Variants in MAP3K3 observed in about 807,000 individuals in gnomAD.
The protein encoded by MAP3K3 is MAP/ERK kinase kinase 3.
MAP3K3 carries 12 observed loss-of-function variants against 80.9 expected under a neutral mutation model. The ratio of observed to expected loss-of-function variants is 0.15; its 90% CI spans 0.10 to 0.24. MAP3K3 has a LOEUF of 0.24. Among genes scored for constraint, MAP3K3 ranks in the 10% least tolerant of loss-of-function variants. MAP3K3 has a pLI of 1.00. For synonymous variants in MAP3K3, 272 were observed against 307.1 expected (o/e 0.89, Z 1.19); for missense variants, 596 against 834.7 (o/e 0.71, Z 3.52).
chr17:63,643,394 C>A (rs1316715225), intron 2 of MAP3K3, among the ~76,000 whole-genome samples: 1 of 151,922 alleles, frequency 6.6e-6, no homozygotes, highest in Non-Finnish European at 1.5e-5. Context: ...GTAGTCCCAG[C>A]TACATGGGAG....
At chr17:63,630,054 G>C (rs1405408032) in intron 1 of MAP3K3, among the ~76,000 whole-genome samples, 1 of 152,116 alleles carries the variant, frequency 6.6e-6, no homozygotes, top group Non-Finnish European at 1.5e-5. Context: ...TCAATACTTA[G>C]GGTGGTTAAT....
rs907718615 is a variant in MAP3K3 at position 63,695,187 on chromosome 17, T to C, written c.*1410T>C. 1 of 152,422 alleles carries C rather than the reference T, an allele frequency of 6.6e-6. No individual in the cohort carries two copies. Among genetic ancestry groups the C allele is most frequent in the Non-Finnish European group, 1.5e-5 (1 of 67,992 alleles). The allele number at this position is 152,422 out of a possible 1,614,324, so 9.4% of individuals were successfully genotyped here. On this transcript the variant is annotated 3_prime_UTR_variant, in exon 16 of 16. Coordinates refer to ENST00000361733, the MANE Select transcript of MAP3K3 (RefSeq NM_002401.5). The surrounding 1 kb of genome is among the most constrained non-coding windows in gnomAD (Gnocchi z 4.1). ...CCTGCCAGCCATGCCTACATCCCCA[T>C]GGGCACAGAACAAGCCAAAGCCTTC...
At chr17:63,640,802 T>C (rs1249166019) in intron 2 of MAP3K3, among the ~76,000 whole-genome samples, 2 of 152,176 alleles carry the variant, frequency 1.3e-5, no homozygotes, top group Non-Finnish European at 2.9e-5. Flanking sequence ...CTAGGACATG[T>C]GCCTGCCAGG....
At chr17:63,639,325 G>T (rs551236212) in intron 2 of MAP3K3, among the ~76,000 whole-genome samples, 1 of 152,258 alleles carries the variant, frequency 6.6e-6, no homozygotes, top group East Asian at 1.9e-4. Context: ...TAAAGGCCTA[G>T]GGGAAGAAGC....
At chr17:63,640,607 A>G (rs1162648145) in intron 2 of MAP3K3, among the ~76,000 whole-genome samples, 1 of 152,126 alleles carries the variant, frequency 6.6e-6, no homozygotes, top group Non-Finnish European at 1.5e-5. Context: ...TCTTTATTCT[A>G]CTTATTGTGA....
intron 6 of MAP3K3, among the ~76,000 whole-genome samples, chr17:63,677,783 C>T (rs185433598): frequency 1.1e-3 from 175 of 152,302 alleles, no homozygotes; most frequent in African/African-American, 4.2e-3. Flanking sequence ...AGGAGGATCC[C>T]TTGAGCCCAA....
intron 3 of MAP3K3, among the ~76,000 whole-genome samples, chr17:63,651,604 A>T (rs754141901): frequency 1.3e-5 from 2 of 152,212 alleles, no homozygotes; most frequent in Non-Finnish European, 2.9e-5. Context: ...ACATTTTCCC[A>T]GTCTTGTTTT....
chr17:63,692,197 T>A lies in MAP3K3; in HGVS notation c.1475-45T>A. The A allele has an allele frequency of 1.2e-6, 2 of 1,607,770 alleles. No individual in the cohort carries two copies. Among genetic ancestry groups the A allele is most frequent in the Non-Finnish European group, 1.7e-6 (2 of 1,177,210 alleles). On this transcript the variant is annotated intron_variant, in intron 14 of 15. Coordinates refer to ENST00000361733, the MANE Select transcript of MAP3K3 (RefSeq NM_002401.5). This position sits in a 1 kb window ranked among gnomAD's most constrained non-coding sequence, Gnocchi z 4.5. Reference sequence around the variant, plus strand: ...CGGGGGTGGGGAGGATGGGAGAAAATGCAAGAGGGTCCAGGGTTGCAGCCT... The same window carrying A: ...CGGGGGTGGGGAGGATGGGAGAAAAAGCAAGAGGGTCCAGGGTTGCAGCCT...
chr17:63,670,605 A>AGAAAG (rs200856290), intron 6 of MAP3K3, among the ~76,000 whole-genome samples: 5 of 133,890 alleles, frequency 3.7e-5, no homozygotes, highest in South Asian at 2.3e-4. Context: ...AAAAAAAAAA[A>AGAAAG]AAAGAAAGAA....
intron 2 of MAP3K3, chr17:63,634,659 T>C (rs543946292): frequency 5.7e-5 from 83 of 1,457,620 alleles, no homozygotes; most frequent in Admixed American, 1.5e-4. Flanking sequence ...GTCAAACTTA[T>C]GTTGCACGAA....
rs375481266 is a variant in MAP3K3, at chr17:63,691,698, C to T, written c.1345-35C>T. On this transcript the variant is annotated intron_variant, in intron 13 of 15. Coordinates refer to ENST00000361733, the MANE Select transcript of MAP3K3 (RefSeq NM_002401.5). The surrounding 1 kb of genome is among the most constrained non-coding windows in gnomAD (Gnocchi z 4.8). ...GGCTTGCCCCTCCACCAGCCCTCCC[C>T]TGAGGGGACTCCTCTGACTTCTTGT... The T allele has an allele frequency of 1.2e-6, 2 of 1,604,816 alleles. No individual in the cohort carries two copies. Among genetic ancestry groups the T allele is most frequent in the Non-Finnish European group, 1.7e-6 (2 of 1,173,340 alleles).
chr17:63,649,642 A>C (rs2034610791), intron 3 of MAP3K3, among the ~76,000 whole-genome samples: 1 of 152,184 alleles, frequency 6.6e-6, no homozygotes, highest in South Asian at 2.1e-4. Context: ...TCCTGGACTC[A>C]AGCTATCCAC....
chr17:63,655,940 C>G (rs1430318965), intron 4 of MAP3K3, among the ~76,000 whole-genome samples: 2 of 152,108 alleles, frequency 1.3e-5, no homozygotes, highest in Non-Finnish European at 2.9e-5. Context: ...TAAATATGTA[C>G]TGTTTTTGGC....
intron 5 of MAP3K3, among the ~76,000 whole-genome samples, chr17:63,664,833 TC>T (rs1317427888): frequency 6.6e-6 from 1 of 152,200 alleles, no homozygotes; most frequent in Non-Finnish European, 1.5e-5. Flanking sequence ...TTCCTCTTTT[TC>T]CCACTTCTGA....
chr17:63,674,082 A>G (rs904187899), intron 6 of MAP3K3, among the ~76,000 whole-genome samples: 1 of 150,554 alleles, frequency 6.6e-6, no homozygotes, highest in Non-Finnish European at 1.5e-5. Context: ...TCTGTCTCAA[A>G]AAAAAAAAAA....
chr17:63,660,082 A>T (rs1448748762), intron 5 of MAP3K3, among the ~76,000 whole-genome samples: 2 of 152,212 alleles, frequency 1.3e-5, no homozygotes, highest in African/African-American at 4.8e-5. Context: ...CTGCTCCAGG[A>T]TACTATATCA....
At position 63,626,950 on chromosome 17, in the gene MAP3K3, G is replaced by A. The variant is rs1029007225; in HGVS notation, c.4+4187G>A. 7.9e-5 allele frequency among the ~76,000 whole-genome samples: 12 copies of A among 152,144 alleles called. No individual in the cohort carries two copies. The South Asian group carries it at 8.3e-4, about 11-fold the overall frequency. On this transcript the variant is annotated intron_variant, in intron 1 of 15. Transcript: ENST00000361733. ...GTGGCATAGTAAACAGACACCATAC[G>A]GGATAACAATGTTTATTAGAGAATG... is the stretch of plus-strand genomic sequence containing the variant.
Position 63,694,284 on chromosome 17 carries a change from C to T in MAP3K3, c.*507C>T, listed in dbSNP as rs1484998250. The T allele has an allele frequency of 6.5e-6, 1 of 153,112 alleles. No individual in the cohort carries two copies. The highest frequency in any genetic ancestry group is 1.5e-5 in the Non-Finnish European group (1 of 68,318). 9.5% of individuals were successfully genotyped at this position (153,112 alleles called of 1,614,324 possible). ...ACTCGCTAGCAGTGGCAGGCAGAGG[C>T]CCAGGCTGCCGTCCCCTAGAGTCCC... is the stretch of plus-strand genomic sequence containing the variant. On this transcript the variant is annotated 3_prime_UTR_variant, in exon 16 of 16. Transcript: ENST00000361733.
chr17:63,672,213 G>T (rs2035124926), intron 6 of MAP3K3, among the ~76,000 whole-genome samples: 1 of 151,536 alleles, frequency 6.6e-6, no homozygotes, highest in Non-Finnish European at 1.5e-5. Context: ...AACCCGGGAG[G>T]CGGAGGTTGC....
Sources: allele counts gnomAD v4.1 joint callset (sites outside exome capture counted in the v4.1 genomes callset), GRCh38; gene constraint gnomAD v4.1.1; non-coding constraint Gnocchi (gnomAD v3.1); transcripts MANE v1.5; gene names NCBI Gene and HGNC (gene_info 2026-07-23, HGNC 2026-07-21).